NUDT4: variants seen among roughly 807,000 people sequenced by gnomAD.
NUDT4 encodes the protein diphosphoinositol polyphosphate phosphohydrolase 2.
A neutral mutation model predicts 23.1 loss-of-function variants in NUDT4; 5 were observed. That is an observed-to-expected ratio of 0.22 (90% CI 0.11 to 0.46). NUDT4 has a LOEUF of 0.46. Ranked by LOEUF, NUDT4 falls within the 20% of genes least tolerant of loss-of-function variation. The pLI is 0.99. For missense variants in NUDT4, 96 were observed against 211.6 expected, an observed-to-expected ratio of 0.45 and a Z score of 3.39; for synonymous variants, 50 against 79.0, an observed-to-expected ratio of 0.63 and a Z score of 1.95.
intron 1 of NUDT4, 76 bp downstream of exon 1, chr12:93,378,497 C>T (rs1396800092): frequency 7.2e-7 from 1 of 1,384,420 alleles, no homozygotes; most frequent in Non-Finnish European, 9.5e-7. Flanking sequence ...TCGCTCCCCG[C>T]CCCTGCGCAG....
rs1013105543 is a variant in NUDT4 at position 93,407,321 on chromosome 12, C to T, written c.*7942C>T. The T allele has an allele frequency of 2.0e-5, 3 of 152,250 alleles. No individual in the cohort carries two copies. The highest frequency in any genetic ancestry group is 4.4e-5 in the Non-Finnish European group (3 of 68,084). The allele number at this position is 152,250 out of a possible 1,614,324, so 9.4% of individuals were successfully genotyped here. A position where few individuals can be genotyped will look rare whatever the true frequency, so the allele number is the denominator to read the frequency against. On this transcript the variant is annotated 3_prime_UTR_variant, in exon 5 of 5. Transcript: ENST00000415493. ...AGAGTTACAACTATTTGTCTGTCCC[C>T]CTTCCCCATTAGAGTATATGGTCCC... is the stretch of plus-strand genomic sequence containing the variant.
intron 1 of NUDT4, among the ~76,000 whole-genome samples, chr12:93,383,226 A>C (rs1280935764): frequency 6.6e-6 from 1 of 152,204 alleles, no homozygotes; most frequent in Non-Finnish European, 1.5e-5. Flanking sequence ...CTTATCTACC[A>C]ATCCCATATA....
At chr12:93,390,339 C>G (rs913780482) in intron 1 of NUDT4, among the ~76,000 whole-genome samples, 1 of 152,124 alleles carries the variant, frequency 6.6e-6, no homozygotes. Flanking sequence ...TCCAGTGATG[C>G]GAGACAAACT....
At chr12:93,378,803 G>C (rs1171444107) in intron 1 of NUDT4, 19 of 1,000,292 alleles carry the variant, frequency 1.9e-5, no homozygotes, top group Non-Finnish European at 2.1e-5. Flanking sequence ...GAGTGTTGCA[G>C]CAGAGCCCTT....
chr12:93,385,970 T>TATATAC (rs1243696865), intron 1 of NUDT4, among the ~76,000 whole-genome samples: 2,292 of 118,440 alleles, frequency 0.019, 58 homozygotes, highest in East Asian at 0.05. Context: ...TATATATATA[T>TATATAC]ACATAATTTT....
intron 1 of NUDT4, among the ~76,000 whole-genome samples, chr12:93,386,123 A>G (rs939549785): frequency 7.3e-5 from 11 of 151,640 alleles, no homozygotes; most frequent in Non-Finnish European, 1.5e-4. Context: ...CTACAGGTAC[A>G]TGCCACCATG....
rs1234844624 is a variant in NUDT4, at chr12:93,405,670, CAA to C, written c.*6292_*6293del. The C allele has an allele frequency of 6.6e-6, 1 of 152,114 alleles. No homozygotes were observed. Among genetic ancestry groups the C allele is most frequent in the African/African-American group, 2.4e-5 (1 of 41,406 alleles). The allele number at this position is 152,114 out of a possible 1,614,324, so 9.4% of individuals were successfully genotyped here. On this transcript the variant is annotated 3_prime_UTR_variant, in exon 5 of 5. Coordinates refer to ENST00000415493, the MANE Select transcript of NUDT4 (RefSeq NM_019094.6). ...GTGAGTGTATAGTTAAGAAAACAAA[CAA>C]TATATTACTAGTCCAGGTGGTAGAT... is the stretch of plus-strand genomic sequence containing the variant.
In NUDT4 at chr12:93,406,727, A is replaced by G. The variant is rs1877839922; in HGVS notation, c.*7348A>G. 1 of 152,352 alleles carries G rather than the reference A, an allele frequency of 6.6e-6. No individual in the cohort carries two copies. Among genetic ancestry groups the G allele is most frequent in the Non-Finnish European group, 1.5e-5 (1 of 68,032 alleles). 9.4% of individuals were successfully genotyped at this position (152,352 alleles called of 1,614,324 possible). A position where few individuals can be genotyped will look rare whatever the true frequency, so the allele number is the denominator to read the frequency against. Reference sequence around the variant, plus strand: ...GGTATTATAAGTAATCTAAATATTAACATAAGCGGGAGGATTTGTGTAGAT... The same window carrying G: ...GGTATTATAAGTAATCTAAATATTAGCATAAGCGGGAGGATTTGTGTAGAT... On this transcript the variant is annotated 3_prime_UTR_variant, in exon 5 of 5. Transcript: ENST00000415493.
chr12:93,398,862 T>A lies in NUDT4; in HGVS notation c.340+7T>A. On this transcript the variant is annotated splice_region_variant and intron_variant, in intron 4 of 4. Transcript: ENST00000415493. ...GAAGATTCTGTTAATATTGGTAAGT[T>A]CCCTTTTGTTATCTGAATACTCTGT... The A allele has an allele frequency of 6.7e-7, 1 of 1,489,166 alleles. No individual in the cohort carries two copies. Among genetic ancestry groups the A allele is most frequent in the Non-Finnish European group, 9.4e-7 (1 of 1,068,860 alleles). 92.2% of individuals were successfully genotyped at this position (1,489,166 alleles called of 1,614,324 possible).
chr12:93,407,269 GT>G lies in NUDT4; in HGVS notation c.*7891del, dbSNP rs1877871157. Reference sequence around the variant, plus strand: ...TCATCTGGCCTGAATCCAAAAGTCTGTCCAAGTTACTTCTCTTTTCCATGAC... The same window carrying G: ...TCATCTGGCCTGAATCCAAAAGTCTGCCAAGTTACTTCTCTTTTCCATGAC... On this transcript the variant is annotated 3_prime_UTR_variant, in exon 5 of 5. Transcript: ENST00000415493. The G allele has an allele frequency of 6.6e-6, 1 of 152,298 alleles. No homozygotes were observed. Among genetic ancestry groups the G allele is most frequent in the Non-Finnish European group, 1.5e-5 (1 of 68,150 alleles). The allele number at this position is 152,298 out of a possible 1,614,324, so 9.4% of individuals were successfully genotyped here. A position where few individuals can be genotyped will look rare whatever the true frequency, so the allele number is the denominator to read the frequency against.
intron 1 of NUDT4, among the ~76,000 whole-genome samples, chr12:93,380,741 TC>T (rs1421000134): frequency 2.0e-5 from 3 of 152,248 alleles, no homozygotes; most frequent in African/African-American, 7.2e-5. Context: ...TCCTGGAGAT[TC>T]TATTGTTTCT....
At chr12:93,389,990 A>T (rs528990368) in intron 1 of NUDT4, among the ~76,000 whole-genome samples, 3 of 152,274 alleles carry the variant, frequency 2.0e-5, no homozygotes, top group African/African-American at 7.2e-5. Context: ...AATCTCCTGT[A>T]ATTTAGCTCT....
At chr12:93,394,301 C>T (rs960744460) in intron 1 of NUDT4, among the ~76,000 whole-genome samples, 6 of 152,186 alleles carry the variant, frequency 3.9e-5, no homozygotes, top group Non-Finnish European at 8.8e-5. Flanking sequence ...CGCGCCCAGC[C>T]AAGTTTCTGT....
chr12:93,392,860 G>T lies in NUDT4; in HGVS notation c.100-1749G>T, dbSNP rs1252392392. On this transcript the variant is annotated intron_variant, in intron 1 of 4. Transcript: ENST00000415493. ...CACCTGGCTAATTTTTGTATTTTTA[G>T]TAAAGACGGGGTTTCACCATGTTTT... Among the ~76,000 whole-genome samples the T allele has an allele frequency of 3.1e-4, 40 of 130,728 alleles. 1 individual carries two copies. Among genetic ancestry groups the T allele is most frequent in the African/African-American group, 1.0e-3 (37 of 35,790 alleles). 85.8% of individuals were successfully genotyped at this position (130,728 alleles called of 152,430 possible). A position where few individuals can be genotyped will look rare whatever the true frequency, so the allele number is the denominator to read the frequency against.
chr12:93,395,657 C>A, intron 3 of NUDT4, 124 bp downstream of exon 3: 1 of 718,654 alleles, frequency 1.4e-6, no homozygotes, highest in Non-Finnish European at 2.4e-6. Context: ...GGCAGTCAGT[C>A]CAGGATTAGG....
At chr12:93,395,687 C>T (rs1876880023) in intron 3 of NUDT4, among the ~76,000 whole-genome samples, 154 bp downstream of exon 3, 1 of 152,042 alleles carries the variant, frequency 6.6e-6, no homozygotes, top group South Asian at 2.1e-4. Flanking sequence ...AAGTAAAAGC[C>T]ACTTTTTCAT....
intron 3 of NUDT4, among the ~76,000 whole-genome samples, chr12:93,396,220 A>ATAT (rs10643767): frequency 0.28 from 43,191 of 151,938 alleles, 6,680 homozygotes; most frequent in East Asian, 0.61. Flanking sequence ...CCCTTAGCAA[A>ATAT]TATTATATGA....
chr12:93,400,119 T>C lies in NUDT4; in HGVS notation c.*740T>C, dbSNP rs1416332663. On this transcript the variant is annotated 3_prime_UTR_variant, in exon 5 of 5. Transcript: ENST00000415493. Reference sequence around the variant, plus strand: ...AAATGCATGTAGTAAAGACATCTTATGAAAACTGTATTCATGGAATTTGAT... The same window carrying C: ...AAATGCATGTAGTAAAGACATCTTACGAAAACTGTATTCATGGAATTTGAT... The C allele has an allele frequency of 6.7e-6, 1 of 149,646 alleles. No individual in the cohort carries two copies. The highest frequency in any genetic ancestry group is 2.5e-5 in the African/African-American group (1 of 40,094). 9.3% of individuals were successfully genotyped at this position (149,646 alleles called of 1,614,324 possible).
chr12:93,380,563 TC>T (rs1327114303), intron 1 of NUDT4, among the ~76,000 whole-genome samples: 2 of 152,170 alleles, frequency 1.3e-5, no homozygotes, highest in Non-Finnish European at 2.9e-5. Flanking sequence ...GAGTGAGTCA[TC>T]TTGTTAGAGG....
Sources: allele counts gnomAD v4.1 joint callset (sites outside exome capture counted in the v4.1 genomes callset), GRCh38; gene constraint gnomAD v4.1.1; transcripts MANE v1.5; gene names NCBI Gene and HGNC (gene_info 2026-07-23, HGNC 2026-07-21).